Variants in COL27A1 observed in about 807,000 individuals in gnomAD.
COL27A1 encodes collagen alpha-1(XXVII) chain.
COL27A1 carries 106 observed loss-of-function variants against 251.3 expected under a neutral mutation model. That is an observed-to-expected ratio of 0.42 (90% CI 0.36 to 0.50). The LOEUF (loss-of-function observed/expected upper bound fraction) is 0.50, where lower values mean the gene tolerates loss of function less well. COL27A1 is among the 20% of genes least tolerant of loss of function. The probability of loss-of-function intolerance (pLI) is 0.00; values close to 1 mark genes in which losing one functional copy is unlikely to be tolerated. For synonymous variants in COL27A1, 1,000 were observed against 986.3 expected, an observed-to-expected ratio of 1.01 and a Z score of -0.26; for missense variants, 2,325 against 2,522.8, an observed-to-expected ratio of 0.92 and a Z score of 1.68.
chr9:114,202,236 G>A (rs1390666404), intron 7 of COL27A1, among the ~76,000 whole-genome samples: 2 of 152,208 alleles, frequency 1.3e-5, no homozygotes, highest in African/African-American at 4.8e-5. Flanking sequence ...AGGTTTGGGG[G>A]CTGAAGAATT....
chr9:114,162,077 G>T (rs1284434423), intron 1 of COL27A1, among the ~76,000 whole-genome samples: 1 of 152,254 alleles, frequency 6.6e-6, no homozygotes, highest in Non-Finnish European at 1.5e-5. Context: ...ACGTGGCTCT[G>T]TCTAACTCCC....
chr9:114,298,560 T>A (rs953128993), intron 49 of COL27A1, among the ~76,000 whole-genome samples: 1 of 152,168 alleles, frequency 6.6e-6, no homozygotes, highest in Non-Finnish European at 1.5e-5. Flanking sequence ...TTTTTTTCAA[T>A]AAACAGTGCT....
At chr9:114,269,634 A>AAAAGAAG (rs796293254) in intron 35 of COL27A1, among the ~76,000 whole-genome samples, 10 of 114,390 alleles carry the variant, frequency 8.7e-5, no homozygotes, top group Non-Finnish European at 6.7e-5. Context: ...AAAAAAAAAA[A>AAAAGAAG]AAGAAGAAGA....
intron 15 of COL27A1, among the ~76,000 whole-genome samples, 175 bp downstream of exon 15, chr9:114,231,307 C>T (rs1831935679): frequency 6.6e-6 from 1 of 152,186 alleles, no homozygotes; most frequent in South Asian, 2.1e-4. Flanking sequence ...GCTCTGGCCT[C>T]AGAGCCAGGC....
At chr9:114,301,398 C>A in intron 53 of COL27A1, 47 bp from the exon 54 acceptor site, 1 of 1,612,520 alleles carries the variant, frequency 6.2e-7, no homozygotes, top group Non-Finnish European at 8.5e-7. Flanking sequence ...TGGGCCATGG[C>A]TCAGCCAGGT....
At chr9:114,305,604 C>T (rs1399587997) in intron 57 of COL27A1, among the ~76,000 whole-genome samples, 1 of 152,314 alleles carries the variant, frequency 6.6e-6, no homozygotes, top group East Asian at 1.9e-4. Flanking sequence ...GGCTACCTGC[C>T]AGGGGCTCTG....
chr9:114,265,031 T>G, intron 30 of COL27A1, 35 bp from the exon 31 acceptor site: 2 of 1,612,662 alleles, frequency 1.2e-6, no homozygotes, highest in Non-Finnish European at 1.7e-6. Context: ...TGCTTTGTGA[T>G]CTGAGCCTGT....
chr9:114,282,647 T>C, intron 39 of COL27A1, 83 bp downstream of exon 39: 2 of 881,586 alleles, frequency 2.3e-6, no homozygotes, highest in Non-Finnish European at 1.7e-6. Context: ...CAGGCTTCTC[T>C]GTGCTGTTAT....
In COL27A1 at chr9:114,156,060, A is replaced by T. The variant is rs200574201; in HGVS notation, c.62+48A>T. 1.0e-4 allele frequency: 131 copies of T among 1,293,200 alleles called. 1 individual carries two copies. Among genetic ancestry groups the T allele is most frequent in the Non-Finnish European group, 1.2e-4 (125 of 1,016,820 alleles). The allele number at this position is 1,293,200 out of a possible 1,614,324, so 80.1% of individuals were successfully genotyped here. On this transcript the variant is annotated intron_variant, in intron 1 of 60. Transcript: ENST00000356083. Reference sequence around the variant, plus strand: ...CCCCTCCCTAGCTTCCTGCTGCTCCAATCTCGGGGAGGGCCGGGGTTCCCC... The same window carrying T: ...CCCCTCCCTAGCTTCCTGCTGCTCCTATCTCGGGGAGGGCCGGGGTTCCCC...
chr9:114,173,290 C>A (rs768372822), intron 3 of COL27A1, among the ~76,000 whole-genome samples: 1 of 152,232 alleles, frequency 6.6e-6, no homozygotes, highest in Non-Finnish European at 1.5e-5. Context: ...TTGCAAATGT[C>A]CCCTCGGGAA....
chr9:114,202,738 C>A (rs1047494814), intron 7 of COL27A1, among the ~76,000 whole-genome samples: 3 of 152,136 alleles, frequency 2.0e-5, no homozygotes. Context: ...TTTGCACTTG[C>A]TGTTCCCTCT....
chr9:114,306,748 A>G, intron 58 of COL27A1, 60 bp downstream of exon 58: 1 of 1,574,288 alleles, frequency 6.4e-7, no homozygotes, highest in Non-Finnish European at 8.6e-7. Context: ...GGGCAGGTGG[A>G]GTATTTGATT....
chr9:114,270,219 G>C (rs151128730), intron 35 of COL27A1, among the ~76,000 whole-genome samples: 7 of 152,338 alleles, frequency 4.6e-5, no homozygotes, highest in African/African-American at 1.7e-4. Flanking sequence ...CTTGAAGAAG[G>C]TGGTGTCAGC....
At chr9:114,270,663 G>A in intron 35 of COL27A1, 65 bp from the exon 36 acceptor site, 2 of 1,328,638 alleles carry the variant, frequency 1.5e-6, no homozygotes, top group East Asian at 2.3e-5. Flanking sequence ...GGGGAAGAGA[G>A]GAAAAGCACA....
At chr9:114,291,373 T>C (rs1240717125) in intron 48 of COL27A1, among the ~76,000 whole-genome samples, 2 of 152,052 alleles carry the variant, frequency 1.3e-5, no homozygotes, top group Non-Finnish European at 2.9e-5. Flanking sequence ...CGAGGTTTAA[T>C]TGGGGGAAAG....
intron 28 of COL27A1, among the ~76,000 whole-genome samples, chr9:114,262,791 C>T (rs540260447): frequency 5.3e-5 from 8 of 152,324 alleles, no homozygotes; most frequent in Admixed American, 2.0e-4. Context: ...TGGCCTTGCC[C>T]GGTGGCTCCC....
chr9:114,162,835 G>A (rs1347461021), intron 2 of COL27A1, 50 bp downstream of exon 2: 2 of 1,412,962 alleles, frequency 1.4e-6, no homozygotes, highest in South Asian at 1.2e-5. Context: ...GAACGGAAGG[G>A]GCCTGAGAAC....
intron 49 of COL27A1, among the ~76,000 whole-genome samples, chr9:114,293,956 C>T (rs764956629): frequency 6.6e-5 from 10 of 151,924 alleles, no homozygotes; most frequent in South Asian, 2.1e-4. Flanking sequence ...GAAATAATAA[C>T]GGCTGGGCGC....
chr9:114,267,402 A>G lies in COL27A1; in HGVS notation c.3448-102A>G, dbSNP rs529143286. The stretch of plus-strand genomic sequence containing the variant: ...ACCTCTGCATCTCTTGCACTGTGTG[A>G]CCCTGGGTGTTCTCTTGCCCTCTTG... On this transcript the variant is annotated intron_variant, in intron 33 of 60. Coordinates refer to ENST00000356083, the MANE Select transcript of COL27A1 (RefSeq NM_032888.4). The G allele has an allele frequency of 5.9e-5, 56 of 945,412 alleles. No homozygotes were observed. The Middle Eastern group carries it at 1.1e-3, about 18-fold the overall frequency. The allele number at this position is 945,412 out of a possible 1,614,324, so 58.6% of individuals were successfully genotyped here. A position where few individuals can be genotyped will look rare whatever the true frequency, so the allele number is the denominator to read the frequency against.
Sources: allele counts gnomAD v4.1 joint callset (sites outside exome capture counted in the v4.1 genomes callset), GRCh38; gene constraint gnomAD v4.1.1; transcripts MANE v1.5; gene names NCBI Gene and HGNC (gene_info 2026-07-23, HGNC 2026-07-21).